METTL15: variants seen among roughly 807,000 people sequenced by gnomAD.
The protein encoded by METTL15 is methyltransferase 15, mitochondrial 12S rRNA N4-cytidine.
Under a neutral mutation model 38.3 loss-of-function variants are expected in METTL15, and 34 were observed. The ratio of observed to expected loss-of-function variants is 0.89; its 90% CI spans 0.68 to 1.18. METTL15 has a LOEUF of 1.18. Among genes scored for constraint, METTL15 ranks in the 50% most tolerant of loss-of-function variants. The pLI is 0.00. For missense variants in METTL15, 438 were observed against 498.4 expected (o/e 0.88, Z 1.15); for synonymous variants, 162 against 170.9 (o/e 0.95, Z 0.41).
intron 3 of METTL15, among the ~76,000 whole-genome samples, chr11:28,166,256 A>T (rs947859976): frequency 6.6e-6 from 1 of 152,104 alleles, no homozygotes; most frequent in Admixed American, 6.6e-5. Context: ...ACTAATCTGC[A>T]TTTTCTCTTT....
chr11:28,481,524 G>A (rs1160826912), intron 6 of METTL15, among the ~76,000 whole-genome samples: 1 of 152,186 alleles, frequency 6.6e-6, no homozygotes, highest in African/African-American at 2.4e-5. Flanking sequence ...CCATCTCTGG[G>A]TTTGGTGACT....
rs187944940 is a variant in METTL15 at position 28,110,496 on chromosome 11, A to G, written c.-18+95A>G. ...GGGGTCGCTGGATTCGTCCGGAGCAAAAGAAAAATACGCCCCTGACCCTCT... is the reference window on the plus strand; with the variant it reads ...GGGGTCGCTGGATTCGTCCGGAGCAGAAGAAAAATACGCCCCTGACCCTCT... On this transcript the variant is annotated intron_variant, in intron 2 of 6. Coordinates refer to ENST00000407364, the MANE Select transcript of METTL15 (RefSeq NM_001113528.2). 7.9e-5 allele frequency: 12 copies of G among 152,310 alleles called. No homozygotes were observed. The East Asian group carries it at 2.1e-3, about 27-fold the overall frequency. The allele number at this position is 152,310 out of a possible 1,614,324, so 9.4% of individuals were successfully genotyped here.
At chr11:28,321,412 G>C (rs1849463268) in intron 6 of METTL15, among the ~76,000 whole-genome samples, 1 of 152,096 alleles carries the variant, frequency 6.6e-6, no homozygotes, top group Non-Finnish European at 1.5e-5. Flanking sequence ...GTTAATAGAA[G>C]TATTATAATT....
chr11:28,325,744 A>G (rs1849615216), intron 6 of METTL15, among the ~76,000 whole-genome samples: 1 of 152,218 alleles, frequency 6.6e-6, no homozygotes, highest in Non-Finnish European at 1.5e-5. Flanking sequence ...AAAGCACCAC[A>G]GGTGACTGTG....
intron 4 of METTL15, among the ~76,000 whole-genome samples, chr11:28,267,982 G>A (rs1381456005): frequency 6.6e-6 from 1 of 151,930 alleles, no homozygotes; most frequent in Non-Finnish European, 1.5e-5. Context: ...TGGATCACGA[G>A]GTCAGGAGAT....
At chr11:28,268,603 C>T (rs1440927373) in intron 4 of METTL15, among the ~76,000 whole-genome samples, 1 of 152,064 alleles carries the variant, frequency 6.6e-6, no homozygotes, top group African/African-American at 2.4e-5. Flanking sequence ...GCTTTTTCAA[C>T]TTAACAGTTT....
chr11:28,242,752 C>T (rs1225027451), intron 4 of METTL15, among the ~76,000 whole-genome samples: 1 of 152,072 alleles, frequency 6.6e-6, no homozygotes, highest in African/African-American at 2.4e-5. Flanking sequence ...AAAGCATTCT[C>T]CATGAACCCT....
At chr11:28,204,885 C>T (rs1211426287) in intron 3 of METTL15, among the ~76,000 whole-genome samples, 1 of 151,862 alleles carries the variant, frequency 6.6e-6, no homozygotes, top group South Asian at 2.1e-4. Context: ...CCAGAATAAA[C>T]TTAGTATTAA....
chr11:28,493,186 A>C (rs1209026760), intron 6 of METTL15, among the ~76,000 whole-genome samples: 2 of 152,042 alleles, frequency 1.3e-5, no homozygotes, highest in African/African-American at 2.4e-5. Flanking sequence ...CTTTTTCTTA[A>C]CATCCAATGC....
rs150596800 is a variant in METTL15, at chr11:28,130,021, C to T, written c.270+16417C>T. ...GAGAAGAGGGCTTTCATTTAAAGAG[C>T]ATACCAGGCTTGGCATGGTGGCTCA... is the stretch of plus-strand genomic sequence containing the variant. On this transcript the variant is annotated intron_variant, in intron 3 of 6. Coordinates refer to ENST00000407364, the MANE Select transcript of METTL15 (RefSeq NM_001113528.2). Among the ~76,000 whole-genome samples, 666 of 152,146 alleles carry T rather than the reference C, an allele frequency of 4.4e-3. 8 individuals carry two copies. The highest frequency in any genetic ancestry group is 0.014 in the African/African-American group (596 of 41,502).
intron 6 of METTL15, among the ~76,000 whole-genome samples, chr11:28,321,304 C>T (rs182349610): frequency 3.1e-4 from 47 of 152,208 alleles, no homozygotes; most frequent in Admixed American, 1.4e-3. Context: ...AAGTGTTTTA[C>T]CCCACATCAA....
chr11:28,166,144 A>T (rs1850650921), intron 3 of METTL15, among the ~76,000 whole-genome samples: 1 of 152,114 alleles, frequency 6.6e-6, no homozygotes, highest in Non-Finnish European at 1.5e-5. Context: ...TTACATATGA[A>T]TTTAAGGATT....
intron 6 of METTL15, among the ~76,000 whole-genome samples, chr11:28,446,981 A>C (rs954290744): frequency 6.6e-6 from 1 of 152,156 alleles, no homozygotes; most frequent in African/African-American, 2.4e-5. Flanking sequence ...CTGTATTTAA[A>C]TTTGATGTTG....
intron 4 of METTL15, among the ~76,000 whole-genome samples, chr11:28,232,936 G>A (rs1033824102): frequency 1.3e-5 from 2 of 151,886 alleles, no homozygotes; most frequent in African/African-American, 2.4e-5. Flanking sequence ...TAATATAGCA[G>A]CATACACATC....
chr11:28,463,747 C>T (rs963992026), intron 6 of METTL15, among the ~76,000 whole-genome samples: 34 of 151,980 alleles, frequency 2.2e-4, no homozygotes, highest in African/African-American at 8.2e-4. Context: ...AAGACTACCT[C>T]TGGTCTCGGT....
chr11:28,506,525 T>G (rs1488929574), intron 6 of METTL15, among the ~76,000 whole-genome samples: 1 of 152,170 alleles, frequency 6.6e-6, no homozygotes, highest in African/African-American at 2.4e-5. Context: ...ATTATACATA[T>G]TCTGTCCTAT....
intron 3 of METTL15, among the ~76,000 whole-genome samples, chr11:28,340,540 A>T (rs191663491): frequency 1.2e-4 from 18 of 152,318 alleles, no homozygotes; most frequent in Admixed American, 2.0e-4. Flanking sequence ...TCAAAAGAAG[A>T]CGTTTATGTG....
At chr11:28,330,103 A>G (rs1295533271) in intron 6 of METTL15, among the ~76,000 whole-genome samples, 1 of 152,038 alleles carries the variant, frequency 6.6e-6, no homozygotes, top group African/African-American at 2.4e-5. Context: ...ACCAAATTTG[A>G]GAAGGATTTT....
intron 6 of METTL15, among the ~76,000 whole-genome samples, chr11:28,491,206 T>G (rs1851491844): frequency 1.3e-5 from 2 of 151,954 alleles, no homozygotes; most frequent in Admixed American, 6.6e-5. Flanking sequence ...GGACATAGAG[T>G]GGAAGGAGTT....
Sources: gnomAD v4.1 joint callset for allele counts (sites outside exome capture counted in the v4.1 genomes callset) on GRCh38, gnomAD v4.1.1 for gene constraint, MANE v1.5 for transcripts, NCBI Gene and HGNC (gene_info 2026-07-23, HGNC 2026-07-21) for gene names.